The following NSG2 variants were observed in gnomAD, a reference collection of about 807,000 sequenced individuals.
The protein encoded by NSG2 is neuronal vesicle trafficking-associated protein 2.
Under a neutral mutation model 16.9 loss-of-function variants are expected in NSG2, and 4 were observed. The observed-to-expected ratio is 0.24, with a 90% CI of 0.12 to 0.54. NSG2 has a LOEUF of 0.54. NSG2 is among the 20% of genes least tolerant of loss of function. The probability of loss-of-function intolerance (pLI) is 0.95; values close to 1 mark genes in which losing one functional copy is unlikely to be tolerated. For missense variants in NSG2, 179 were observed against 221.1 expected (o/e 0.81, Z 1.21); for synonymous variants, 98 against 88.7 (o/e 1.11, Z -0.59).
intron 3 of NSG2, among the ~76,000 whole-genome samples, chr5:174,089,366 C>A (rs968548057): frequency 6.6e-6 from 1 of 152,094 alleles, no homozygotes; most frequent in South Asian, 2.1e-4. Context: ...CCAAAGTGTA[C>A]GCCGCCACCA....
At chr5:174,097,570 T>C (rs954117951) in intron 3 of NSG2, among the ~76,000 whole-genome samples, 4 of 146,076 alleles carry the variant, frequency 2.7e-5, no homozygotes, top group Non-Finnish European at 3.0e-5. Flanking sequence ...TGTGTGTAAC[T>C]GTGTGTGTGT....
chr5:174,086,194 C>A (rs1760617196), intron 3 of NSG2, among the ~76,000 whole-genome samples: 1 of 152,138 alleles, frequency 6.6e-6, no homozygotes, highest in Admixed American at 6.5e-5. Flanking sequence ...TCACCCTGGG[C>A]CTTGTTGAAC....
chr5:174,089,426 A>G (rs2113463929), intron 3 of NSG2, among the ~76,000 whole-genome samples: 1 of 151,958 alleles, frequency 6.6e-6, no homozygotes, highest in African/African-American at 2.4e-5. Flanking sequence ...TTTTTTTTCC[A>G]TGTCTAGTGT....
intron 3 of NSG2, among the ~76,000 whole-genome samples, chr5:174,101,481 G>A (rs1165603610): frequency 6.6e-6 from 1 of 152,096 alleles, no homozygotes; most frequent in Non-Finnish European, 1.5e-5. Context: ...TAGTCCTAGC[G>A]GGCTCCAGTC....
chr5:174,107,609 G>A lies in NSG2; in HGVS notation c.*104G>A, dbSNP rs1391107123. 5.4e-6 allele frequency: 6 copies of A among 1,107,780 alleles called. No individual in the cohort carries two copies. The highest frequency in any genetic ancestry group is 1.5e-5 in the African/African-American group (1 of 64,716). 68.6% of individuals were successfully genotyped at this position (1,107,780 alleles called of 1,614,324 possible). A position where few individuals can be genotyped will look rare whatever the true frequency, so the allele number is the denominator to read the frequency against. Reference sequence around the variant, plus strand: ...AACACTGTACTCCTGGGATATGGGGGCGGGGGCGGGGCAGGGCAGGGTGGG... The same window carrying A: ...AACACTGTACTCCTGGGATATGGGGACGGGGGCGGGGCAGGGCAGGGTGGG... On this transcript the variant is annotated 3_prime_UTR_variant, in exon 5 of 5. Transcript: ENST00000303177. This position sits in a 1 kb window ranked among gnomAD's most constrained non-coding sequence, Gnocchi z 4.5.
At chr5:174,077,469 C>A (rs2113450285) in intron 3 of NSG2, among the ~76,000 whole-genome samples, 1 of 152,318 alleles carries the variant, frequency 6.6e-6, no homozygotes, top group South Asian at 2.1e-4. Flanking sequence ...CTCCTCCGAA[C>A]AAGCTAAATT....
At chr5:174,050,772 C>A (rs1179232048) in intron 2 of NSG2, among the ~76,000 whole-genome samples, 1 of 152,128 alleles carries the variant, frequency 6.6e-6, no homozygotes, top group Non-Finnish European at 1.5e-5. Context: ...AGTGCTCTCT[C>A]CCTGCCTGGT....
Position 174,107,283 on chromosome 5 carries a change from T to C in NSG2, c.325-31T>C. On this transcript the variant is annotated intron_variant, in intron 4 of 4. Coordinates refer to ENST00000303177, the MANE Select transcript of NSG2 (RefSeq NM_015980.5). The surrounding 1 kb of genome is among the most constrained non-coding windows in gnomAD (Gnocchi z 4.5). ...GGCAGGTTGGGAGCAGTTTGCTGAA[T>C]GACCCCTGACTCTGTCTCTTTCTTC... 1 of 1,507,998 alleles carries C rather than the reference T, an allele frequency of 6.6e-7. No homozygotes were observed. Among genetic ancestry groups the C allele is most frequent in the Non-Finnish European group, 8.9e-7 (1 of 1,123,914 alleles). 93.4% of individuals were successfully genotyped at this position (1,507,998 alleles called of 1,614,324 possible). A position where few individuals can be genotyped will look rare whatever the true frequency, so the allele number is the denominator to read the frequency against.
intron 3 of NSG2, among the ~76,000 whole-genome samples, chr5:174,095,212 G>A (rs558761423): frequency 6.6e-6 from 1 of 152,306 alleles, no homozygotes; most frequent in East Asian, 1.9e-4. Context: ...GAAGAGAGGA[G>A]TCCGCATTTG....
chr5:174,061,741 T>C (rs959035545), intron 2 of NSG2, among the ~76,000 whole-genome samples: 4 of 152,098 alleles, frequency 2.6e-5, no homozygotes, highest in African/African-American at 9.6e-5. Context: ...GTAGCTGGGA[T>C]TACAGGTGTG....
intron 3 of NSG2, among the ~76,000 whole-genome samples, chr5:174,074,867 C>G (rs1187884448): frequency 1.3e-5 from 2 of 151,912 alleles, no homozygotes; most frequent in African/African-American, 2.4e-5. Context: ...GTCCTTGACT[C>G]CCCACTTTCA....
chr5:174,057,560 T>C (rs984773109), intron 2 of NSG2, among the ~76,000 whole-genome samples: 7 of 152,258 alleles, frequency 4.6e-5, no homozygotes, highest in Admixed American at 1.3e-4. Context: ...CCCTGCTCTC[T>C]GCCGGTCCCC....
At chr5:174,045,999 T>C (rs982482760) in intron 1 of NSG2, 156 bp downstream of exon 1, 1 of 152,132 alleles carries the variant, frequency 6.6e-6, no homozygotes, top group African/African-American at 2.4e-5. Flanking sequence ...GGGAGCACCA[T>C]TTGACTTCTA....
intron 3 of NSG2, among the ~76,000 whole-genome samples, chr5:174,074,594 G>A (rs1167335188): frequency 2.0e-5 from 3 of 152,020 alleles, no homozygotes; most frequent in African/African-American, 4.8e-5. Flanking sequence ...AGAAATCTGC[G>A]ATATCTCCCT....
At chr5:174,058,103 G>C (rs948538530) in intron 2 of NSG2, among the ~76,000 whole-genome samples, 7 of 152,220 alleles carry the variant, frequency 4.6e-5, no homozygotes, top group Non-Finnish European at 8.8e-5. Flanking sequence ...ATAAACAGTA[G>C]TTTGGATAAT....
intron 3 of NSG2, among the ~76,000 whole-genome samples, chr5:174,102,941 C>CTTTTTTTTTTTT (rs143473714): frequency 3.1e-3 from 344 of 111,638 alleles, no homozygotes; most frequent in African/African-American, 7.4e-3. Context: ...ACCACCCTGG[C>CTTTTTTTTTTTT]TTTTTTTTTT....
intron 3 of NSG2, among the ~76,000 whole-genome samples, chr5:174,075,349 G>A (rs1021454124): frequency 6.6e-6 from 1 of 152,168 alleles, no homozygotes; most frequent in Non-Finnish European, 1.5e-5. Flanking sequence ...GTGTGTGCAT[G>A]CATACACGTA....
chr5:174,106,200 T>C (rs1352495287), intron 4 of NSG2, among the ~76,000 whole-genome samples: 1 of 152,226 alleles, frequency 6.6e-6, no homozygotes, highest in Non-Finnish European at 1.5e-5. Context: ...GAGGAAGGGA[T>C]GGACGCAAGG....
intron 4 of NSG2, among the ~76,000 whole-genome samples, chr5:174,106,586 T>TA (rs1456657991): frequency 4.4e-5 from 4 of 89,968 alleles, no homozygotes; most frequent in African/African-American, 1.1e-4. Flanking sequence ...ATGAAGCCTT[T>TA]TTTTTTTTTT....
Sources: allele counts gnomAD v4.1 joint callset (sites outside exome capture counted in the v4.1 genomes callset), GRCh38; gene constraint gnomAD v4.1.1; non-coding constraint Gnocchi (gnomAD v3.1); transcripts MANE v1.5; gene names NCBI Gene and HGNC (gene_info 2026-07-23, HGNC 2026-07-21).